The following DNAH8 variants were observed in gnomAD, a reference collection of about 807,000 sequenced individuals.
DNAH8 encodes the protein dynein axonemal heavy chain 8.
A neutral mutation model predicts 562.1 loss-of-function variants in DNAH8; 382 were observed. The ratio of observed to expected loss-of-function variants is 0.68; its 90% confidence interval spans 0.63 to 0.74. DNAH8 has a LOEUF of 0.74. Ranked by LOEUF, DNAH8 falls within the 30% of genes least tolerant of loss-of-function variation. The probability of loss-of-function intolerance (pLI) is 0.00; values close to 1 mark genes in which losing one functional copy is unlikely to be tolerated. For missense variants in DNAH8, 5,203 were observed against 5,620.4 expected (o/e 0.93, Z 2.37); for synonymous variants, 1,881 against 1,919.4 (o/e 0.98, Z 0.52).
At chr6:38,795,813 A>T (rs916430105) in intron 21 of DNAH8, among the ~76,000 whole-genome samples, 1 of 152,178 alleles carries the variant, frequency 6.6e-6, no homozygotes, top group Admixed American at 6.5e-5. Flanking sequence ...TTGGAAACAC[A>T]ATATATGTAA....
chr6:38,827,733 C>CCTTTTTTTTTTTTTT (rs1773475639), intron 29 of DNAH8, among the ~76,000 whole-genome samples: 1 of 52,240 alleles, frequency 1.9e-5, no homozygotes, highest in African/African-American at 7.2e-5. Flanking sequence ...CTTTACCAAA[C>CCTTTTTTTTTTTTTT]TTTTTTTTTT....
At position 38,805,486 on chromosome 6, in the gene DNAH8, C is replaced by A. The variant is rs372630464; in HGVS notation, c.3040C>A (p.Arg1014=). Residue 1014 remains arginine (R), a synonymous_variant, in exon 23 of 93, where the codon CGG becomes AGG. Coordinates refer to ENST00000327475, the MANE Select transcript of DNAH8 (RefSeq NM_001206927.2). The stretch of plus-strand genomic sequence containing the variant: ...GTTTTGTCTTTTGTCTATAGAACAG[C>A]GGAAACACGTTGTTTTTGGAAGTGA... ...TGKVGKQSEQ[R]KHVVFGSETG... The A allele has an allele frequency of 5.6e-6, 9 of 1,597,984 alleles. No homozygotes were observed. The African/African-American group carries it at 1.2e-4, about 21-fold the overall frequency.
At chr6:38,932,216 A>ACACACACACACACACACACACACC (rs375631180) in intron 76 of DNAH8, among the ~76,000 whole-genome samples, 198 of 145,732 alleles carry the variant, frequency 1.4e-3, no homozygotes, top group Middle Eastern at 0.011. Flanking sequence ...ACACACACAC[A>ACACACACACACACACACACACACC]CCCGTCTCTT....
chr6:38,959,055 A>G (rs1019041390), intron 82 of DNAH8, among the ~76,000 whole-genome samples: 3 of 152,220 alleles, frequency 2.0e-5, no homozygotes, highest in Non-Finnish European at 4.4e-5. Flanking sequence ...AGACACAGAG[A>G]AAGAACTGGA....
rs764874944 is a variant in DNAH8, at chr6:38,866,632, A to T, written c.6540A>T (p.Leu2180=). The change falls in exon 46 of 93, where the codon CTA becomes CTT. Residue 2180 remains leucine (L), a synonymous_variant. Coordinates refer to ENST00000327475, the MANE Select transcript of DNAH8 (RefSeq NM_001206927.2). ...GGCGCCAGGAACTACCAGAAAACCT[A>T]AAAATCCAGTTTAGAACTGTTGCTA... ...YAGRQELPEN[L]KIQFRTVAMM... is the part of the protein sequence containing the mutation. The T allele has an allele frequency of 2.5e-6, 4 of 1,612,668 alleles. No homozygotes were observed. Among genetic ancestry groups the T allele is most frequent in the Non-Finnish European group, 2.5e-6 (3 of 1,179,588 alleles).
At position 38,984,282 on chromosome 6, in the gene DNAH8, AACGTCT is replaced by A; in HGVS notation, c.13031_13036del (p.Arg4344_Leu4345del). 1.2e-6 allele frequency: 2 copies of A among 1,607,962 alleles called. No individual in the cohort carries two copies. Among genetic ancestry groups the A allele is most frequent in the Non-Finnish European group, 1.7e-6 (2 of 1,174,392 alleles). ...GGCAGAGTGACAGATGACTTTGACA[AACGTCT>A]ACTTAATTGCTTTGCCAGAGTAAGT... On this transcript the variant is annotated inframe_deletion, in exon 87 of 93. Transcript: ENST00000327475.
chr6:38,756,363 A>G (rs1430022855), intron 10 of DNAH8, among the ~76,000 whole-genome samples: 2 of 152,112 alleles, frequency 1.3e-5, no homozygotes, highest in South Asian at 2.1e-4. Context: ...TACCCAAGAG[A>G]TAGGAGTGTG....
intron 10 of DNAH8, among the ~76,000 whole-genome samples, chr6:38,761,326 G>T (rs2127608117): frequency 1.5e-5 from 2 of 130,782 alleles, no homozygotes; most frequent in South Asian, 4.8e-4. Context: ...TGTTCTCATT[G>T]TTCAGTTCCC....
rs369389803 is a variant in DNAH8, at chr6:38,981,888, C to T, written c.12835-458C>T. ...TCTAATATGGCTATATGCCACATAACGTTTCAGTCAACATGGATTGCATAT... is the reference window on the plus strand; with the variant it reads ...TCTAATATGGCTATATGCCACATAATGTTTCAGTCAACATGGATTGCATAT... On this transcript the variant is annotated intron_variant, in intron 85 of 92. Coordinates refer to ENST00000327475, the MANE Select transcript of DNAH8 (RefSeq NM_001206927.2). Among the ~76,000 whole-genome samples the T allele has an allele frequency of 1.4e-4, 22 of 152,312 alleles. No individual in the cohort carries two copies. In the South Asian group the frequency reaches 1.9e-3, roughly 13 times the overall value.
chr6:38,977,293 C>T (rs1391425146), intron 85 of DNAH8, among the ~76,000 whole-genome samples: 2 of 152,142 alleles, frequency 1.3e-5, no homozygotes, highest in Non-Finnish European at 2.9e-5. Flanking sequence ...CTGCTCCCTG[C>T]CACTCCCCTT....
rs1765350803 is a variant in DNAH8, at chr6:38,750,540, A to G, written c.1358A>G (p.Tyr453Cys). 2 of 1,612,024 alleles carry G rather than the reference A, an allele frequency of 1.2e-6. No homozygotes were observed. Among genetic ancestry groups the G allele is most frequent in the African/African-American group, 1.3e-5 (1 of 74,960 alleles). The change falls in exon 9 of 93, where the codon TAT becomes TGT. Residue 453 changes from tyrosine (Y) to cysteine (C), a missense_variant. By Grantham distance (194) the Tyr-to-Cys change is radical. This residue lies in a region of DNAH8 where 2,176 missense variants were observed against 2,365.1 expected (regional missense o/e 0.92). Transcript: ENST00000327475. ...AATGAATCCAAAGATAATGTCAGAT[A>G]TTTGTATACTTTGGAAAAAGTGTGT... ...TANESKDNVR[Y>C]LYTLEKVCQP...
chr6:39,028,701 G>A (rs1243584002), intron 92 of DNAH8, among the ~76,000 whole-genome samples: 1 of 152,124 alleles, frequency 6.6e-6, no homozygotes, highest in Non-Finnish European at 1.5e-5. Flanking sequence ...AAGTTCTGAG[G>A]CTGAAAGCAC....
chr6:39,007,412 A>C (rs549354063), intron 88 of DNAH8, among the ~76,000 whole-genome samples: 51 of 152,240 alleles, frequency 3.3e-4, no homozygotes, highest in Non-Finnish European at 6.3e-4. Context: ...ACATCTACAA[A>C]AGGAAATATG....
intron 43 of DNAH8, among the ~76,000 whole-genome samples, 155 bp from the exon 44 acceptor site, chr6:38,862,125 T>C (rs184533304): frequency 5.9e-4 from 90 of 152,316 alleles, no homozygotes; most frequent in African/African-American, 2.0e-3. Context: ...TTAATGAATA[T>C]CAAGTACCCT....
rs1782096890 is a variant in DNAH8, at chr6:38,926,100, A to G, written c.11008A>G (p.Ile3670Val). ...LQGLPGDDLS[I>V]QNGIIVTKAT... ...GGGATTACCAGGAGATGATCTCTCA[A>G]TTCAGAATGGCATTATTGTGACAAA... Residue 3670 changes from isoleucine to valine, a missense_variant, in exon 74 of 93, where the codon ATT (isoleucine) becomes GTT (valine). Transcript: ENST00000327475. 2 of 1,613,828 alleles carry G rather than the reference A, an allele frequency of 1.2e-6. No individual in the cohort carries two copies. Among genetic ancestry groups the G allele is most frequent in the South Asian group, 1.1e-5 (1 of 91,066 alleles).
intron 77 of DNAH8, among the ~76,000 whole-genome samples, chr6:38,937,590 C>G (rs896495550): frequency 1.3e-5 from 2 of 152,220 alleles, no homozygotes; most frequent in East Asian, 3.9e-4. Flanking sequence ...GCAGCGTGGA[C>G]AAGCTGTGAC....
At chr6:38,864,179 T>A (rs1023591618) in intron 45 of DNAH8, 119 bp downstream of exon 45, 8 of 872,500 alleles carry the variant, frequency 9.2e-6, no homozygotes, top group Admixed American at 3.3e-5. Context: ...CTGTTCTCTC[T>A]TACCATATGA....
At chr6:38,846,365 C>T (rs1317423166) in intron 36 of DNAH8, among the ~76,000 whole-genome samples, 2 of 152,202 alleles carry the variant, frequency 1.3e-5, no homozygotes, top group Non-Finnish European at 2.9e-5. Flanking sequence ...TCCTGTAGGA[C>T]TCAGATTAAA....
chr6:38,789,135 C>T (rs921435250), intron 18 of DNAH8, among the ~76,000 whole-genome samples: 4 of 152,102 alleles, frequency 2.6e-5, no homozygotes, highest in Non-Finnish European at 4.4e-5. Flanking sequence ...AGTCAAAGTT[C>T]TTTAGCCAGT....
Sources: allele counts gnomAD v4.1 joint callset (sites outside exome capture counted in the v4.1 genomes callset), GRCh38; gene constraint gnomAD v4.1.1; regional missense constraint gnomAD v4.1.1; transcripts MANE v1.5; gene names NCBI Gene and HGNC (gene_info 2026-07-23, HGNC 2026-07-21).